CREB5: variants seen among roughly 807,000 people sequenced by gnomAD.
CREB5 encodes cAMP responsive element binding protein 5, also known as cyclic AMP-responsive element-binding protein 5.
Under a neutral mutation model 57.1 loss-of-function variants are expected in CREB5, and 19 were observed. The ratio of observed to expected loss-of-function variants is 0.33; its 90% CI spans 0.23 to 0.49. The LOEUF is 0.49. CREB5 is among the 20% of genes least tolerant of loss of function. CREB5 has a pLI of 0.99. For missense variants in CREB5, 579 were observed against 671.6 expected, an observed-to-expected ratio of 0.86 and a Z score of 1.52; for synonymous variants, 238 against 238.3, an observed-to-expected ratio of 1.00 and a Z score of 0.01.
At chr7:28,784,960 G>A (rs1473500693) in intron 7 of CREB5, among the ~76,000 whole-genome samples, 1 of 152,056 alleles carries the variant, frequency 6.6e-6, no homozygotes, top group Non-Finnish European at 1.5e-5. Flanking sequence ...GTATCCTAGG[G>A]CCTCATTTCA....
At chr7:28,711,271 G>T (rs1475832867) in intron 5 of CREB5, among the ~76,000 whole-genome samples, 2 of 152,222 alleles carry the variant, frequency 1.3e-5, no homozygotes, top group Non-Finnish European at 2.9e-5. Flanking sequence ...TCAACATTCT[G>T]TGTCACCAAA....
intron 1 of CREB5, among the ~76,000 whole-genome samples, chr7:28,300,265 CACTG>C (rs1009070964): frequency 1.5e-4 from 23 of 152,202 alleles, no homozygotes; most frequent in African/African-American, 3.9e-4. Flanking sequence ...CACATTTACA[CACTG>C]ACTGAATGGG....
chr7:28,608,812 C>T, intron 5 of CREB5, among the ~76,000 whole-genome samples: 1 of 152,160 alleles, frequency 6.6e-6, no homozygotes, highest in Non-Finnish European at 1.5e-5. Flanking sequence ...ATGATAGGGA[C>T]TGTTGGTTTT....
chr7:28,560,927 T>TGCGTGCGC (rs1795186345), intron 4 of CREB5, among the ~76,000 whole-genome samples: 1 of 57,576 alleles, frequency 1.7e-5, no homozygotes, highest in Non-Finnish European at 3.1e-5. Flanking sequence ...TGTGTGCGCG[T>TGCGTGCGC]GCGTGTGTGC....
At chr7:28,563,144 T>A (rs1795343999) in intron 4 of CREB5, among the ~76,000 whole-genome samples, 1 of 152,218 alleles carries the variant, frequency 6.6e-6, no homozygotes, top group African/African-American at 2.4e-5. Flanking sequence ...AGTAATGCTG[T>A]ATCAGTGTTA....
chr7:28,763,274 C>T (rs1805768692), intron 7 of CREB5, among the ~76,000 whole-genome samples: 1 of 152,134 alleles, frequency 6.6e-6, no homozygotes, highest in African/African-American at 2.4e-5. Flanking sequence ...AATAGGTATT[C>T]AAATTGTGAC....
chr7:28,776,152 A>G (rs1806617449), intron 7 of CREB5, among the ~76,000 whole-genome samples: 1 of 152,034 alleles, frequency 6.6e-6, no homozygotes, highest in South Asian at 2.1e-4. Context: ...CCTGACTAAC[A>G]TGGTGAAACC....
At chr7:28,367,361 G>T (rs1338343410) in intron 1 of CREB5, among the ~76,000 whole-genome samples, 1 of 152,130 alleles carries the variant, frequency 6.6e-6, no homozygotes, top group Non-Finnish European at 1.5e-5. Context: ...TGATTCTCCG[G>T]CACCACATCC....
At chr7:28,370,631 G>A (rs1045995934) in intron 1 of CREB5, among the ~76,000 whole-genome samples, 1 of 152,170 alleles carries the variant, frequency 6.6e-6, no homozygotes, top group African/African-American at 2.4e-5. Flanking sequence ...AAATAAGGTA[G>A]AAGCACTTTG....
intron 5 of CREB5, among the ~76,000 whole-genome samples, chr7:28,663,371 AT>A (rs1260795071): frequency 2.0e-5 from 3 of 151,778 alleles, no homozygotes; most frequent in Non-Finnish European, 4.4e-5. Flanking sequence ...AGCCAGGCTA[AT>A]TTTTGTGGGT....
chr7:28,694,778 C>G (rs1801455580), intron 5 of CREB5, among the ~76,000 whole-genome samples: 1 of 152,128 alleles, frequency 6.6e-6, no homozygotes, highest in Non-Finnish European at 1.5e-5. Context: ...GATTCCTGGA[C>G]TCTAGCAATC....
At chr7:28,469,849 G>A (rs1159395473) in intron 1 of CREB5, among the ~76,000 whole-genome samples, 1 of 152,160 alleles carries the variant, frequency 6.6e-6, no homozygotes, top group Non-Finnish European at 1.5e-5. Context: ...AAGTCACACA[G>A]CTAATTATTG....
intron 1 of CREB5, chr7:28,435,525 A>T: frequency 1.7e-6 from 1 of 596,166 alleles, no homozygotes; most frequent in East Asian, 1.4e-4. Context: ...AATGAGGGCC[A>T]TATAACCAGC....
intron 1 of CREB5, among the ~76,000 whole-genome samples, chr7:28,336,740 T>G (rs1050059229): frequency 2.0e-5 from 3 of 152,074 alleles, no homozygotes; most frequent in African/African-American, 7.2e-5. Context: ...TAATTTTGGG[T>G]TTGATTTGCT....
rs1388491335 is a variant in CREB5, at chr7:28,560,881, T to TGC, written c.292-9482_292-9481dup. Among the ~76,000 whole-genome samples, 184 of 46,226 alleles carry TGC rather than the reference T, an allele frequency of 4.0e-3. 26 individuals carry two copies. The highest frequency in any genetic ancestry group is 6.2e-3 in the African/African-American group (58 of 9,360). 30.3% of individuals were successfully genotyped at this position (46,226 alleles called of 152,430 possible). Reference sequence around the variant, plus strand: ...GTGCGTGTGCCTGCGTGCGCGTGCGTGCGTGCGTGTGTGTGCGTGCGCGCG... The same window carrying TGC: ...GTGCGTGTGCCTGCGTGCGCGTGCGTGCGCGTGCGTGTGTGTGCGTGCGCGCG... On this transcript the variant is annotated intron_variant, in intron 4 of 10. Transcript: ENST00000357727.
intron 5 of CREB5, among the ~76,000 whole-genome samples, chr7:28,588,557 CTG>C (rs1287888898): frequency 1.3e-5 from 2 of 152,158 alleles, no homozygotes; most frequent in Admixed American, 6.5e-5. Flanking sequence ...AGTTGCAAAA[CTG>C]TTTTTATCTT....
chr7:28,430,164 A>G (rs1289832709), intron 1 of CREB5, among the ~76,000 whole-genome samples: 1 of 152,248 alleles, frequency 6.6e-6, no homozygotes, highest in Admixed American at 6.5e-5. Flanking sequence ...TGTATTACAC[A>G]TTACACATGT....
intron 9 of CREB5, among the ~76,000 whole-genome samples, chr7:28,814,073 G>T (rs1461456252): frequency 6.6e-6 from 1 of 152,148 alleles, no homozygotes; most frequent in East Asian, 1.9e-4. Context: ...AGAAGGCCTG[G>T]TTTTTATTTC....
At chr7:28,409,791 G>A (rs1461952039), upstream of CREB5, 3 of 446,280 alleles carry the variant, frequency 6.7e-6, no homozygotes, top group South Asian at 4.8e-5. The surrounding 1 kb of genome is among the most constrained non-coding windows in gnomAD (Gnocchi z 4.4). Context: ...GGATGCTAAC[G>A]TGGAGCCGGC....
Sources: gnomAD v4.1 joint callset for allele counts (sites outside exome capture counted in the v4.1 genomes callset) on GRCh38, gnomAD v4.1.1 for gene constraint, Gnocchi (gnomAD v3.1) non-coding constraint, MANE v1.5 for transcripts, NCBI Gene and HGNC (gene_info 2026-07-23, HGNC 2026-07-21) for gene names.